The following LRRIQ1 variants were observed in gnomAD, a reference collection of about 807,000 sequenced individuals.
The protein encoded by LRRIQ1 is leucine-rich repeat- and IQ domain-containing protein 1.
Under a neutral mutation model 211.9 loss-of-function variants are expected in LRRIQ1, and 210 were observed. That is an observed-to-expected ratio of 0.99 (90% CI 0.89 to 1.11). LRRIQ1 has a LOEUF of 1.11. Ranked by LOEUF, LRRIQ1 falls within the 50% of genes most tolerant of loss-of-function variation. The probability of loss-of-function intolerance (pLI) is 0.00; values close to 1 mark genes in which losing one functional copy is unlikely to be tolerated. For missense variants in LRRIQ1, 2,136 were observed against 1,939.5 expected, an observed-to-expected ratio of 1.10 and a Z score of -1.90; for synonymous variants, 699 against 650.1, an observed-to-expected ratio of 1.08 and a Z score of -1.14.
At chr12:85,202,648 A>G (rs1373161106) in intron 24 of LRRIQ1, among the ~76,000 whole-genome samples, 1 of 152,132 alleles carries the variant, frequency 6.6e-6, no homozygotes, top group East Asian at 1.9e-4. Flanking sequence ...ATTTTTCTCC[A>G]TCTCTTTACT....
chr12:85,224,425 C>T (rs1419752695), intron 24 of LRRIQ1, among the ~76,000 whole-genome samples: 7 of 152,112 alleles, frequency 4.6e-5, no homozygotes, highest in South Asian at 4.1e-4. Context: ...ACTATAAAGA[C>T]ACATCCATAC....
intron 23 of LRRIQ1, among the ~76,000 whole-genome samples, chr12:85,160,027 T>C (rs1305861340): frequency 1.3e-5 from 2 of 152,060 alleles, no homozygotes; most frequent in Admixed American, 1.3e-4. Flanking sequence ...GTCAGGTTGC[T>C]CATGCTGGAG....
Position 85,055,819 on chromosome 12 carries a change from A to G in LRRIQ1, c.1026A>G (p.Glu342=). The G allele has an allele frequency of 6.3e-7, 1 of 1,594,386 alleles. No individual in the cohort carries two copies. Among genetic ancestry groups the G allele is most frequent in the South Asian group, 1.1e-5 (1 of 88,962 alleles). The change falls in exon 8 of 27, where the codon GAA becomes GAG. Residue 342 remains glutamate (E), a synonymous_variant. Coordinates refer to ENST00000393217, the MANE Select transcript of LRRIQ1 (RefSeq NM_001079910.2). ...EEENRKRLEE[E]QRIKEERKKQ... Reference sequence around the variant, plus strand: ...AAAATCGAAAAAGATTAGAGGAGGAACAAAGGATAAAAGAAGAGAGAAAAA... The same window carrying G: ...AAAATCGAAAAAGATTAGAGGAGGAGCAAAGGATAAAAGAAGAGAGAAAAA...
chr12:85,061,225 C>T (rs1315658691), intron 8 of LRRIQ1, among the ~76,000 whole-genome samples: 5 of 151,656 alleles, frequency 3.3e-5, no homozygotes, highest in South Asian at 2.1e-4. Flanking sequence ...TGAACACATA[C>T]GATTACTAAT....
intron 24 of LRRIQ1, among the ~76,000 whole-genome samples, chr12:85,200,508 G>C (rs1011024271): frequency 1.1e-4 from 17 of 152,106 alleles, no homozygotes; most frequent in Non-Finnish European, 5.9e-5. Context: ...AAATAGGAGT[G>C]GTGAGAGAGG....
chr12:85,272,075 T>C, the LRRIQ1 span, among the ~76,000 whole-genome samples: 1 of 152,292 alleles, frequency 6.6e-6, no homozygotes, highest in East Asian at 1.9e-4. Context: ...ATAGAGACAC[T>C]TTTATATCCT....
chr12:85,272,656 A>C, the LRRIQ1 span, among the ~76,000 whole-genome samples: 1 of 152,022 alleles, frequency 6.6e-6, no homozygotes, highest in Non-Finnish European at 1.5e-5. Context: ...ATTGCTTATT[A>C]TATTTGAACT....
chr12:85,232,968 A>T, intron 26 of LRRIQ1: 2 of 468,948 alleles, frequency 4.3e-6, no homozygotes, highest in Non-Finnish European at 7.5e-6. Flanking sequence ...TGTTAATTTT[A>T]TGTGACAGAT....
At chr12:85,153,868 T>C in intron 22 of LRRIQ1, 110 bp downstream of exon 22, 1 of 943,020 alleles carries the variant, frequency 1.1e-6, no homozygotes, top group Non-Finnish European at 1.5e-6. Flanking sequence ...TTTTATAAAT[T>C]GTCCATCCAA....
At position 85,082,213 on chromosome 12, in the gene LRRIQ1, C is replaced by T. The variant is rs12301943; in HGVS notation, c.2887+9115C>T. On this transcript the variant is annotated intron_variant, in intron 11 of 26. Coordinates refer to ENST00000393217, the MANE Select transcript of LRRIQ1 (RefSeq NM_001079910.2). ...AGTTTATTTCAGTAATTTGAAGTATCAATCTATTATTATTATTGTTATTAT... is the reference window on the plus strand; with the variant it reads ...AGTTTATTTCAGTAATTTGAAGTATTAATCTATTATTATTATTGTTATTAT... Among the ~76,000 whole-genome samples the T allele has an allele frequency of 3.1e-3, 470 of 152,130 alleles. 4 individuals are homozygous for T. The highest frequency in any genetic ancestry group is 0.011 in the African/African-American group (436 of 41,516).
intron 24 of LRRIQ1, among the ~76,000 whole-genome samples, chr12:85,196,402 C>A (rs1407796115): frequency 6.6e-6 from 1 of 151,756 alleles, no homozygotes; most frequent in Non-Finnish European, 1.5e-5. Context: ...AAGCTGGAGG[C>A]ATCACACTAC....
chr12:85,041,756 T>C (rs1299779688), intron 3 of LRRIQ1, among the ~76,000 whole-genome samples: 1 of 151,842 alleles, frequency 6.6e-6, no homozygotes, highest in East Asian at 1.9e-4. Context: ...GAAACAATCA[T>C]TCTGTTGACT....
At chr12:85,118,499 GTTT>G (rs71445022) in intron 15 of LRRIQ1, among the ~76,000 whole-genome samples, 2 of 127,858 alleles carry the variant, frequency 1.6e-5, no homozygotes, top group Non-Finnish European at 1.7e-5. Context: ...GAAAAACTAT[GTTT>G]TTTTTTTTTT....
chr12:85,185,653 C>A (rs1467269867), intron 24 of LRRIQ1, among the ~76,000 whole-genome samples: 1 of 151,842 alleles, frequency 6.6e-6, no homozygotes, highest in Non-Finnish European at 1.5e-5. Context: ...AGGTTTCTAG[C>A]AAAGTGGTGG....
intron 24 of LRRIQ1, among the ~76,000 whole-genome samples, chr12:85,189,892 CAT>C (rs1892411136): frequency 7.1e-6 from 1 of 141,060 alleles, no homozygotes; most frequent in East Asian, 2.0e-4. Context: ...TATTATATAT[CAT>C]ATATTATATC....
intron 19 of LRRIQ1, among the ~76,000 whole-genome samples, chr12:85,149,952 A>G (rs1420793169): frequency 1.3e-5 from 2 of 151,778 alleles, no homozygotes; most frequent in African/African-American, 4.8e-5. Context: ...TCCAGACTTT[A>G]TGTAGCCTTT....
intron 15 of LRRIQ1, among the ~76,000 whole-genome samples, chr12:85,107,239 A>G (rs545347547): frequency 6.6e-6 from 1 of 152,278 alleles, no homozygotes; most frequent in African/African-American, 2.4e-5. Context: ...ATTTTGTGAT[A>G]ACTTACATAG....
intron 10 of LRRIQ1, among the ~76,000 whole-genome samples, chr12:85,070,975 G>A (rs1883019638): frequency 6.6e-6 from 1 of 151,994 alleles, no homozygotes; most frequent in East Asian, 1.9e-4. Context: ...ATTTGAAATA[G>A]TTTATCTTTG....
At chr12:85,257,253 TA>T (rs1157496226) in intron 1 of LRRIQ1, among the ~76,000 whole-genome samples, 1 of 135,840 alleles carries the variant, frequency 7.4e-6, no homozygotes, top group Admixed American at 8.6e-5. Flanking sequence ...TCCAGATCCA[TA>T]AAAAAAGATG....
Sources: gnomAD v4.1 joint callset for allele counts (sites outside exome capture counted in the v4.1 genomes callset) on GRCh38, gnomAD v4.1.1 for gene constraint, MANE v1.5 for transcripts, NCBI Gene and HGNC (gene_info 2026-07-23, HGNC 2026-07-21) for gene names.